BIVM: variants seen among roughly 807,000 people sequenced by gnomAD.
BIVM encodes basic, immunoglobulin-like variable motif containing.
BIVM carries 31 observed loss-of-function variants against 61.4 expected under a neutral mutation model. That is an observed-to-expected ratio of 0.51 (90% CI 0.38 to 0.68). The LOEUF is 0.68. Ranked by LOEUF, BIVM falls within the 30% of genes least tolerant of loss-of-function variation. The pLI is 0.00. For synonymous variants in BIVM, 189 were observed against 210.7 expected, an observed-to-expected ratio of 0.90 and a Z score of 0.89; for missense variants, 526 against 596.0, an observed-to-expected ratio of 0.88 and a Z score of 1.22.
chr13:102,820,406 GAATA>G (rs1243605989), intron 4 of BIVM: 2 of 142,772 alleles, frequency 1.4e-5, no homozygotes, highest in Non-Finnish European at 3.1e-5. Context: ...TCTTAAAACA[GAATA>G]AATAAATAGT....
At chr13:102,832,500 C>T (rs756760089) in intron 8 of BIVM, among the ~76,000 whole-genome samples, 3 of 152,180 alleles carry the variant, frequency 2.0e-5, no homozygotes, top group Non-Finnish European at 2.9e-5. Flanking sequence ...CCACACCCTT[C>T]CTGAAAAGTA....
intron 7 of BIVM, among the ~76,000 whole-genome samples, chr13:102,830,841 G>C (rs1468665376): frequency 6.6e-6 from 1 of 152,134 alleles, no homozygotes; most frequent in African/African-American, 2.4e-5. Context: ...TGAATCCCAG[G>C]TTGCCACACA....
At chr13:102,817,023 G>T (rs9554898) in intron 4 of BIVM, 4 of 152,020 alleles carry the variant, frequency 2.6e-5, no homozygotes, top group Non-Finnish European at 4.4e-5. Context: ...CTAAATTCAC[G>T]TTTCCCAGAT....
chr13:102,809,302 C>T (rs1190077283), intron 3 of BIVM, among the ~76,000 whole-genome samples: 1 of 152,096 alleles, frequency 6.6e-6, no homozygotes, highest in Non-Finnish European at 1.5e-5. Flanking sequence ...TGTTTAATTT[C>T]TAGATATTAA....
At chr13:102,828,290 A>T (rs1166928675) in intron 7 of BIVM, among the ~76,000 whole-genome samples, 1 of 152,216 alleles carries the variant, frequency 6.6e-6, no homozygotes, top group African/African-American at 2.4e-5. Flanking sequence ...GTATGGGTTC[A>T]CTTAGCCACC....
intron 3 of BIVM, among the ~76,000 whole-genome samples, chr13:102,813,996 G>T (rs1211817924): frequency 3.3e-5 from 5 of 152,150 alleles, no homozygotes; most frequent in African/African-American, 4.8e-5. Context: ...AGTAAAAAAA[G>T]ACAGTGGATT....
chr13:102,823,110 C>A (rs1880412104), intron 7 of BIVM, among the ~76,000 whole-genome samples: 1 of 152,188 alleles, frequency 6.6e-6, no homozygotes, highest in South Asian at 2.1e-4. Context: ...GTTGTGGGTT[C>A]TCTCTAAACT....
chr13:102,814,716 G>A (rs2146991), intron 3 of BIVM, among the ~76,000 whole-genome samples: 52 of 152,110 alleles, frequency 3.4e-4, no homozygotes, highest in Middle Eastern at 3.4e-3. Context: ...GTTCAGCTCT[G>A]TGAAAAGTGT....
chr13:102,827,343 A>G (rs917082489), intron 7 of BIVM, among the ~76,000 whole-genome samples: 3 of 151,698 alleles, frequency 2.0e-5, no homozygotes, highest in African/African-American at 7.3e-5. Flanking sequence ...TCATTGAGGA[A>G]TGGGATAAAC....
Position 102,807,259 on chromosome 13 carries a change from C to G in BIVM, c.-9C>G, listed in dbSNP as rs1406191670. On this transcript the variant is annotated 5_prime_UTR_variant, in exon 3 of 11. Coordinates refer to ENST00000257336, the MANE Select transcript of BIVM (RefSeq NM_017693.4). The surrounding 1 kb of genome is among the most constrained non-coding windows in gnomAD (Gnocchi z 4.0). ...GTTTCTAGTAATAGAAACTTTTACA[C>G]TGCATTCAATGCCTAACGTTGCAGA... 1 of 1,586,302 alleles carries G rather than the reference C, an allele frequency of 6.3e-7. No individual in the cohort carries two copies. Among genetic ancestry groups the G allele is most frequent in the East Asian group, 2.3e-5 (1 of 44,430 alleles).
At chr13:102,813,011 T>A (rs1879609515) in intron 3 of BIVM, among the ~76,000 whole-genome samples, 1 of 152,254 alleles carries the variant, frequency 6.6e-6, no homozygotes, top group Admixed American at 6.5e-5. Context: ...TAGGTAGTTG[T>A]ACCTTGCTAT....
chr13:102,821,632 A>C (rs917967794), intron 5 of BIVM, 111 bp from the exon 6 acceptor site: 5 of 853,428 alleles, frequency 5.9e-6, no homozygotes, highest in Non-Finnish European at 8.3e-6. Flanking sequence ...AATAATGAAA[A>C]ATATTACTAA....
Position 102,840,061 on chromosome 13 carries a change from G to C in BIVM, c.*196G>C. 1.9e-6 allele frequency: 1 copy of C among 525,412 alleles called. No individual in the cohort carries two copies. The highest frequency in any genetic ancestry group is 3.1e-5 in the East Asian group (1 of 32,492). 32.5% of individuals were successfully genotyped at this position (525,412 alleles called of 1,614,324 possible). ...TGATTTCAGATATATAAGCAGATAA[G>C]CACAGATTATTGTCCTTTCAAGTTA... On this transcript the variant is annotated 3_prime_UTR_variant, in exon 11 of 11. Transcript: ENST00000257336.
At chr13:102,800,522 C>A (rs1878685836) in intron 1 of BIVM, 2 of 151,950 alleles carry the variant, frequency 1.3e-5, no homozygotes, top group South Asian at 4.1e-4. Flanking sequence ...GCGTCGCCTC[C>A]GCGCGCACTG....
chr13:102,829,025 TA>T (rs66601358), intron 7 of BIVM, among the ~76,000 whole-genome samples: 2,018 of 146,476 alleles, frequency 0.014, 26 homozygotes, highest in African/African-American at 0.029. Flanking sequence ...TTTTTTTTTT[TA>T]AAATAAAAAA....
intron 1 of BIVM, among the ~76,000 whole-genome samples, chr13:102,799,947 T>C (rs1878632566): frequency 1.3e-5 from 2 of 151,934 alleles, no homozygotes; most frequent in African/African-American, 4.8e-5. Flanking sequence ...GCCGTCGCCT[T>C]CCCCTGCACG....
At chr13:102,818,581 A>G (rs894640377) in intron 4 of BIVM, among the ~76,000 whole-genome samples, 2 of 152,226 alleles carry the variant, frequency 1.3e-5, no homozygotes, top group Admixed American at 6.5e-5. Context: ...CTGTGTAACT[A>G]CATATTAATA....
At chr13:102,835,291 G>A (rs1272211077) in intron 9 of BIVM, among the ~76,000 whole-genome samples, 4 of 151,948 alleles carry the variant, frequency 2.6e-5, no homozygotes, top group Non-Finnish European at 4.4e-5. Flanking sequence ...TGATCGTATC[G>A]CTGCACTCTC....
chr13:102,809,952 CT>C (rs1056070596), intron 3 of BIVM, among the ~76,000 whole-genome samples: 1 of 152,016 alleles, frequency 6.6e-6, no homozygotes, highest in East Asian at 1.9e-4. Context: ...TGCCCGGCTA[CT>C]TTTTTGTATT....
Sources: gnomAD v4.1 joint callset for allele counts (sites outside exome capture counted in the v4.1 genomes callset) on GRCh38, gnomAD v4.1.1 for gene constraint, Gnocchi (gnomAD v3.1) non-coding constraint, MANE v1.5 for transcripts, NCBI Gene and HGNC (gene_info 2026-07-23, HGNC 2026-07-21) for gene names.